The following PLXNA4 variants were observed in gnomAD, a reference collection of about 807,000 sequenced individuals.
The protein encoded by PLXNA4 is plexin-A4.
A neutral mutation model predicts 191.8 loss-of-function variants in PLXNA4; 44 were observed. The ratio of observed to expected loss-of-function variants is 0.23; its 90% CI spans 0.18 to 0.29. The LOEUF (loss-of-function observed/expected upper bound fraction) is 0.29. Among genes scored for constraint, PLXNA4 ranks in the 10% least tolerant of loss-of-function variants. PLXNA4 has a pLI of 1.00. For synonymous variants in PLXNA4, 1,082 were observed against 1,009.5 expected, an observed-to-expected ratio of 1.07 and a Z score of -1.36; for missense variants, 1,800 against 2,488.8, an observed-to-expected ratio of 0.72 and a Z score of 5.89.
chr7:132,359,863 G>A (rs11977116), intron 3 of PLXNA4, among the ~76,000 whole-genome samples: 233 of 152,256 alleles, frequency 1.5e-3, no homozygotes, highest in Non-Finnish European at 2.8e-3. Context: ...TACAGGGAGC[G>A]GGGAAGTCCT....
chr7:132,540,345 G>A (rs1800016839), intron 1 of PLXNA4, among the ~76,000 whole-genome samples: 1 of 152,240 alleles, frequency 6.6e-6, no homozygotes, highest in East Asian at 1.9e-4. Flanking sequence ...ACATTTCATT[G>A]TCTTATTTAA....
chr7:132,641,858 C>T (rs1803749357), intron 2 of PLXNA4, among the ~76,000 whole-genome samples: 1 of 152,082 alleles, frequency 6.6e-6, no homozygotes, highest in Non-Finnish European at 1.5e-5. Context: ...TCTGTGCATG[C>T]TCAGACAATG....
intron 3 of PLXNA4, among the ~76,000 whole-genome samples, chr7:132,350,506 A>G (rs1272943540): frequency 6.6e-6 from 1 of 152,198 alleles, no homozygotes; most frequent in Non-Finnish European, 1.5e-5. Flanking sequence ...TCTGTCTCAA[A>G]AAATAAAAAT....
At chr7:132,492,032 G>A (rs1305536191) in intron 2 of PLXNA4, among the ~76,000 whole-genome samples, 1 of 152,176 alleles carries the variant, frequency 6.6e-6, no homozygotes, top group Non-Finnish European at 1.5e-5. Context: ...TTCACAAGGA[G>A]TTCGCATCCC....
intron 3 of PLXNA4, among the ~76,000 whole-genome samples, chr7:132,391,945 G>A (rs1463884041): frequency 6.6e-6 from 1 of 152,020 alleles, no homozygotes; most frequent in Admixed American, 6.6e-5. Flanking sequence ...TGGCCAACAT[G>A]GTGAAACCCC....
chr7:132,515,888 A>G (rs1022704970), intron 1 of PLXNA4, among the ~76,000 whole-genome samples: 4 of 152,216 alleles, frequency 2.6e-5, no homozygotes, highest in African/African-American at 9.7e-5. Flanking sequence ...ATATTTGTCC[A>G]TTGATGCTGT....
intron 30 of PLXNA4, among the ~76,000 whole-genome samples, chr7:132,135,713 G>A (rs1315374141): frequency 6.6e-6 from 1 of 152,216 alleles, no homozygotes; most frequent in Non-Finnish European, 1.5e-5. Flanking sequence ...GGAGGGCAGG[G>A]AGTTGAGAGT....
At chr7:132,166,130 G>A (rs929124518) in intron 22 of PLXNA4, among the ~76,000 whole-genome samples, 3 of 151,948 alleles carry the variant, frequency 2.0e-5, no homozygotes, top group Non-Finnish European at 4.4e-5. Context: ...CCAGGAGGTG[G>A]AGGTTGCAGT....
intron 3 of PLXNA4, among the ~76,000 whole-genome samples, chr7:132,414,719 G>C (rs1794596459): frequency 6.6e-6 from 1 of 152,140 alleles, no homozygotes; most frequent in Non-Finnish European, 1.5e-5. Flanking sequence ...TAGCCCAACA[G>C]GTTCAAGGTG....
At chr7:132,592,868 T>C (rs1017287) in intron 2 of PLXNA4, among the ~76,000 whole-genome samples, 35 of 149,508 alleles carry the variant, frequency 2.3e-4, no homozygotes, top group Admixed American at 4.6e-4. Flanking sequence ...AAAAAAAATT[T>C]AAAAAAAAAA....
intron 3 of PLXNA4, chr7:132,383,782 A>G (rs55732233): frequency 0.043 from 42,205 of 985,246 alleles, 1,777 homozygotes; most frequent in African/African-American, 0.17. Flanking sequence ...AATTGTCACC[A>G]GTTCAAAGGA....
chr7:132,247,272 G>C (rs1799091962), intron 4 of PLXNA4, among the ~76,000 whole-genome samples: 1 of 152,164 alleles, frequency 6.6e-6, no homozygotes, highest in African/African-American at 2.4e-5. Flanking sequence ...GTCAAAATGT[G>C]AGTTATTACT....
In PLXNA4 at chr7:132,635,679, G is replaced by C. The variant is rs143337726; in HGVS notation, c.-87+10249C>G. Among the ~76,000 whole-genome samples, 1,159 of 152,204 alleles carry C rather than the reference G, an allele frequency of 7.6e-3. 6 individuals carry two copies. The highest frequency in any genetic ancestry group is 0.012 in the Non-Finnish European group (823 of 68,012). ...GCACCTTGCCCCATGCCTCTGTCAG[G>C]CTGGCCTCAAACCCCCAACGAACCA... is the stretch of plus-strand genomic sequence containing the variant. On this transcript the variant is annotated intron_variant, in intron 2 of 4. Coordinates refer to the PLXNA4 transcript ENST00000378539.
At chr7:132,523,268 A>C (rs550120284) in intron 1 of PLXNA4, among the ~76,000 whole-genome samples, 2 of 152,370 alleles carry the variant, frequency 1.3e-5, no homozygotes, top group African/African-American at 2.4e-5. Context: ...ATTTGCTACA[A>C]GATAACTGTT....
At chr7:132,393,362 T>C (rs545935202) in intron 3 of PLXNA4, among the ~76,000 whole-genome samples, 100 of 152,102 alleles carry the variant, frequency 6.6e-4, no homozygotes, top group Admixed American at 1.5e-3. Context: ...ACCTTGATCA[T>C]GGTACCCTCA....
chr7:132,474,618 A>G (rs1375130739), intron 3 of PLXNA4, among the ~76,000 whole-genome samples: 1 of 151,686 alleles, frequency 6.6e-6, no homozygotes, highest in Non-Finnish European at 1.5e-5. Flanking sequence ...TATTGAGCAC[A>G]TGTACACACA....
At chr7:132,150,498 G>A (rs995271701) in intron 25 of PLXNA4, among the ~76,000 whole-genome samples, 1 of 152,150 alleles carries the variant, frequency 6.6e-6, no homozygotes, top group Non-Finnish European at 1.5e-5. Context: ...ACATAGGGGT[G>A]GAGGAACAGC....
intron 2 of PLXNA4, among the ~76,000 whole-genome samples, chr7:132,595,858 T>C (rs1048240842): frequency 5.3e-5 from 8 of 152,248 alleles, no homozygotes; most frequent in Non-Finnish European, 1.0e-4. Flanking sequence ...GTAGACATCA[T>C]GAAATTTCAC....
chr7:132,204,157 G>A (rs1055212493), intron 10 of PLXNA4, among the ~76,000 whole-genome samples: 6 of 152,182 alleles, frequency 3.9e-5, no homozygotes, highest in Admixed American at 1.3e-4. Flanking sequence ...TCCTGTCCTC[G>A]GAGGGCTCCT....
Sources: allele counts gnomAD v4.1 joint callset (sites outside exome capture counted in the v4.1 genomes callset), GRCh38; gene constraint gnomAD v4.1.1; transcripts MANE v1.5; gene names NCBI Gene and HGNC (gene_info 2026-07-23, HGNC 2026-07-21).